The following B3GALNT2 variants were observed in gnomAD, a reference collection of about 807,000 sequenced individuals.
B3GALNT2 encodes beta-1,3-N-acetylgalactosaminyltransferase 2, also known as UDP-GalNAc:beta-1,3-N-acetylgalactosaminyltransferase 2.
A neutral mutation model predicts 61.1 loss-of-function variants in B3GALNT2; 53 were observed. That is an observed-to-expected ratio of 0.87 (90% CI 0.70 to 1.09). The LOEUF (loss-of-function observed/expected upper bound fraction) is 1.09, where lower values mean the gene tolerates loss of function less well. Among genes scored for constraint, B3GALNT2 ranks in the 50% least tolerant of loss-of-function variants. The pLI is 0.00. For synonymous variants in B3GALNT2, 223 were observed against 237.4 expected, an observed-to-expected ratio of 0.94 and a Z score of 0.56; for missense variants, 544 against 623.0, an observed-to-expected ratio of 0.87 and a Z score of 1.35.
rs189202164 is a variant in B3GALNT2 at position 235,448,214 on chromosome 1, C to A, written c.*1992G>T. On this transcript the variant is annotated 3_prime_UTR_variant, in exon 12 of 12. Coordinates refer to ENST00000366600, the MANE Select transcript of B3GALNT2 (RefSeq NM_152490.5). ...GACTTACTTAAGTAAGTAAGTAAGT[C>A]AGTCTCAAAAAAAAAAAAAAAAAAA... 44 of 686,072 alleles carry A rather than the reference C, an allele frequency of 6.4e-5. No homozygotes were observed. In the African/African-American group the frequency reaches 9.4e-4, roughly 15 times the overall value. The allele number at this position is 686,072 out of a possible 1,614,324, so 42.5% of individuals were successfully genotyped here. A position where few individuals can be genotyped will look rare whatever the true frequency, so the allele number is the denominator to read the frequency against.
In B3GALNT2 at chr1:235,449,161, G is replaced by T. The variant is rs1682724113; in HGVS notation, c.*1045C>A. ...TTAAAGGGTTACTAGAAATGATTTG[G>T]TTGGTCATTTTGGGAAATGTCCCTT... is the stretch of plus-strand genomic sequence containing the variant. On this transcript the variant is annotated 3_prime_UTR_variant, in exon 12 of 12. Coordinates refer to ENST00000366600, the MANE Select transcript of B3GALNT2 (RefSeq NM_152490.5). The T allele has an allele frequency of 1.2e-5, 3 of 245,190 alleles. No homozygotes were observed. Among genetic ancestry groups the T allele is most frequent in the Non-Finnish European group, 2.4e-5 (3 of 124,378 alleles). 15.2% of individuals were successfully genotyped at this position (245,190 alleles called of 1,614,324 possible). A position where few individuals can be genotyped will look rare whatever the true frequency, so the allele number is the denominator to read the frequency against.
In B3GALNT2 at chr1:235,447,610, A is replaced by G. The variant is rs1159461185; in HGVS notation, c.*2596T>C. 6.6e-6 allele frequency among the ~76,000 whole-genome samples: 1 copy of G among 152,218 alleles called. No homozygotes were observed. On this transcript the variant is annotated 3_prime_UTR_variant, in exon 12 of 12. Transcript: ENST00000366600. ...ATTTTACAGAGGGGGAACTAAGGCC[A>G]GAGTTGAGAGATGTCCTCAGGATAC...
Position 235,484,508 on chromosome 1 carries a change from A to G in B3GALNT2, c.369T>C (p.Asn123=), listed in dbSNP as rs149734145. 748 of 1,613,886 alleles carry G rather than the reference A, an allele frequency of 4.6e-4. 1 individual carries two copies. The highest frequency in any genetic ancestry group is 5.8e-4 in the Non-Finnish European group (684 of 1,179,910). ...KLLNITNPVL[N]QEIEAFSLSE... The stretch of plus-strand genomic sequence containing the variant: ...ACAGACTGAACGCTTCAATTTCCTG[A>G]TTCAAAACTAAGTAATGAGAACAGG... Residue 123 remains asparagine (N), a synonymous_variant, in exon 4 of 12, where the codon AAT becomes AAC. Coordinates refer to ENST00000366600, the MANE Select transcript of B3GALNT2 (RefSeq NM_152490.5).
intron 5 of B3GALNT2, among the ~76,000 whole-genome samples, chr1:235,472,414 C>A (rs1684046252): frequency 6.6e-6 from 1 of 152,160 alleles, no homozygotes; most frequent in South Asian, 2.1e-4. Context: ...GCTCCACTAC[C>A]TTCTCCTCCG....
intron 2 of B3GALNT2, among the ~76,000 whole-genome samples, chr1:235,491,046 G>A (rs562543869): frequency 1.3e-5 from 2 of 150,680 alleles, no homozygotes; most frequent in African/African-American, 4.9e-5. Context: ...TAAGCTTAAT[G>A]TGATGTGTCT....
intron 7 of B3GALNT2, chr1:235,464,465 A>T (rs1237636810): frequency 3.1e-5 from 2 of 64,804 alleles, no homozygotes; most frequent in Non-Finnish European, 5.9e-5. Flanking sequence ...CCCTCTCTCC[A>T]CCCCTTCCTC....
downstream of B3GALNT2, among the ~76,000 whole-genome samples, chr1:235,445,191 G>T (rs547818053): frequency 1.3e-5 from 2 of 152,290 alleles, no homozygotes; most frequent in East Asian, 3.9e-4. Flanking sequence ...GATTACAAGG[G>T]TTCCTTTTTT....
chr1:235,465,744 T>C (rs1683663927), intron 6 of B3GALNT2, 30 bp from the exon 7 acceptor site: 1 of 1,604,076 alleles, frequency 6.2e-7, no homozygotes, highest in African/African-American at 1.3e-5. Context: ...ACTCAGTGAT[T>C]CATTACTAAA....
In B3GALNT2 at chr1:235,474,970, TATATATATATATA is replaced by T. The variant is rs1477586561; in HGVS notation, c.652-4023_652-4011del. Among the ~76,000 whole-genome samples the T allele has an allele frequency of 1.5e-3, 52 of 34,498 alleles. 1 individual carries two copies. The highest frequency in any genetic ancestry group is 4.4e-3 in the South Asian group (5 of 1,142). The allele number at this position is 34,498 out of a possible 152,430, so 22.6% of individuals were successfully genotyped here. ...AGAGACATATATATATATATATATATATATATATATATATATATTTTTTTTTTTTTTTTTTTTT... is the reference window on the plus strand; with the variant it reads ...AGAGACATATATATATATATATATATTATATTTTTTTTTTTTTTTTTTTTT... On this transcript the variant is annotated intron_variant, in intron 5 of 11. Transcript: ENST00000366600.
In B3GALNT2 at chr1:235,448,997, T is replaced by C. The variant is rs1682704964; in HGVS notation, c.*1209A>G. Reference sequence around the variant, plus strand: ...TTTTCTGATCTTATTTCATATTTATTTTTACAGCTCATCACTGCATTTCAT... The same window carrying C: ...TTTTCTGATCTTATTTCATATTTATCTTTACAGCTCATCACTGCATTTCAT... On this transcript the variant is annotated 3_prime_UTR_variant, in exon 12 of 12. Transcript: ENST00000366600. 4.5e-6 allele frequency: 2 copies of C among 449,092 alleles called. No homozygotes were observed. Among genetic ancestry groups the C allele is most frequent in the Non-Finnish European group, 8.2e-6 (2 of 243,582 alleles). 27.8% of individuals were successfully genotyped at this position (449,092 alleles called of 1,614,324 possible). A position where few individuals can be genotyped will look rare whatever the true frequency, so the allele number is the denominator to read the frequency against.
chr1:235,458,529 G>A (rs1683269794), intron 8 of B3GALNT2, 74 bp downstream of exon 8: 38 of 1,510,000 alleles, frequency 2.5e-5, no homozygotes, highest in Non-Finnish European at 3.3e-5. Flanking sequence ...TTACAGCCTA[G>A]TAAGACCCCA....
At chr1:235,440,635 T>C in the B3GALNT2 span, among the ~76,000 whole-genome samples, 4 of 148,624 alleles carry the variant, frequency 2.7e-5, no homozygotes, top group South Asian at 2.2e-4. Flanking sequence ...CTCAGGTGAT[T>C]CGCCCGCCTC....
rs749144476 is a variant in B3GALNT2, at chr1:235,449,988, GATAA to G, written c.*214_*217del. On this transcript the variant is annotated 3_prime_UTR_variant, in exon 12 of 12. Coordinates refer to ENST00000366600, the MANE Select transcript of B3GALNT2 (RefSeq NM_152490.5). Reference sequence around the variant, plus strand: ...GTATTTTTCTGATAATCTTCCAATAGATAAATAAAAACTTTTCTTATGCTACAGT... The same window carrying G: ...GTATTTTTCTGATAATCTTCCAATAGATAAAAACTTTTCTTATGCTACAGT... 3.2e-4 allele frequency: 134 copies of G among 414,598 alleles called. No homozygotes were observed. The highest frequency in any genetic ancestry group is 6.7e-4 in the Middle Eastern group (1 of 1,484). 25.7% of individuals were successfully genotyped at this position (414,598 alleles called of 1,614,324 possible).
At chr1:235,442,007 A>T in the B3GALNT2 span, 5 of 830,550 alleles carry the variant, frequency 6.0e-6, no homozygotes, top group Non-Finnish European at 9.3e-6. Context: ...TTTAAATGAA[A>T]ATTTTTTTTT....
intron 7 of B3GALNT2, among the ~76,000 whole-genome samples, chr1:235,459,790 GTTTTCTTTT>G (rs1305213930): frequency 6.6e-6 from 1 of 151,944 alleles, no homozygotes; most frequent in Non-Finnish European, 1.5e-5. Context: ...TACCTACAAT[GTTTTCTTTT>G]TTTTCTTTTT....
At position 235,503,190 on chromosome 1, in the gene B3GALNT2, T is replaced by C. The variant is rs189299018; in HGVS notation, c.112+951A>G. Among the ~76,000 whole-genome samples the C allele has an allele frequency of 1.1e-3, 167 of 152,322 alleles. 1 individual carries two copies. Among genetic ancestry groups the C allele is most frequent in the African/African-American group, 3.7e-3 (153 of 41,558 alleles). Reference sequence around the variant, plus strand: ...ACTTTTGGATTAGAAAACAGCTGTTTTGGGGAGAGATGGTAAGGGAAAAAA... The same window carrying C: ...ACTTTTGGATTAGAAAACAGCTGTTCTGGGGAGAGATGGTAAGGGAAAAAA... On this transcript the variant is annotated intron_variant, in intron 1 of 11. Coordinates refer to ENST00000366600, the MANE Select transcript of B3GALNT2 (RefSeq NM_152490.5).
intron 4 of B3GALNT2, among the ~76,000 whole-genome samples, chr1:235,480,714 G>A (rs1684518627): frequency 6.6e-6 from 1 of 151,750 alleles, no homozygotes; most frequent in African/African-American, 2.4e-5. Flanking sequence ...AGACCAGCCT[G>A]GCCAACATGT....
In B3GALNT2 at chr1:235,466,367, C is replaced by A. The variant is rs186291682; in HGVS notation, c.763-653G>T. Among the ~76,000 whole-genome samples the A allele has an allele frequency of 1.1e-4, 16 of 152,048 alleles. No individual in the cohort carries two copies. In the East Asian group the frequency reaches 2.5e-3, roughly 24 times the overall value. ...TACAGGCGTGAGCCACCACACCCGG[C>A]CTAATTTCATTTTACAGACAGGGTT... On this transcript the variant is annotated intron_variant, in intron 6 of 11. Coordinates refer to ENST00000366600, the MANE Select transcript of B3GALNT2 (RefSeq NM_152490.5).
chr1:235,458,836 C>T, intron 7 of B3GALNT2, 50 bp from the exon 8 acceptor site: 1 of 1,452,296 alleles, frequency 6.9e-7, no homozygotes, highest in Non-Finnish European at 9.2e-7. Flanking sequence ...GTAAAGTTAC[C>T]ATTCAGAACT....
Sources: allele counts gnomAD v4.1 joint callset (sites outside exome capture counted in the v4.1 genomes callset), GRCh38; gene constraint gnomAD v4.1.1; transcripts MANE v1.5; gene names NCBI Gene and HGNC (gene_info 2026-07-23, HGNC 2026-07-21).